The following USH2A variants were observed in gnomAD, a reference collection of about 807,000 sequenced individuals.
The protein encoded by USH2A is Usher syndrome 2A (autosomal recessive, mild).
Under a neutral mutation model 538.9 loss-of-function variants are expected in USH2A, and 443 were observed. The observed-to-expected ratio is 0.82, with a 90% CI of 0.76 to 0.89. The LOEUF is 0.89. Among genes scored for constraint, USH2A ranks in the 40% least tolerant of loss-of-function variants. The pLI is 0.00. For missense variants in USH2A, 6,633 were observed against 6,324.8 expected, an observed-to-expected ratio of 1.05 and a Z score of -1.65; for synonymous variants, 2,413 against 2,273.5, an observed-to-expected ratio of 1.06 and a Z score of -1.75.
chr1:215,709,558 A>G (rs1659277143), intron 61 of USH2A, among the ~76,000 whole-genome samples: 1 of 151,852 alleles, frequency 6.6e-6, no homozygotes, highest in Non-Finnish European at 1.5e-5. Context: ...CTAAAATAAG[A>G]GCACAAGTAA....
intron 44 of USH2A, among the ~76,000 whole-genome samples, chr1:215,859,672 A>G (rs1321854293): frequency 1.3e-5 from 2 of 152,226 alleles, no homozygotes; most frequent in Middle Eastern, 3.4e-3. Flanking sequence ...CCTGGAACCA[A>G]TCGCCTGCAT....
At chr1:215,748,673 G>T (rs780847445) in intron 58 of USH2A, among the ~76,000 whole-genome samples, 7 of 152,166 alleles carry the variant, frequency 4.6e-5, no homozygotes, top group Non-Finnish European at 7.3e-5. Context: ...CCACAGAGTG[G>T]TGTCAGATAG....
Position 215,780,005 on chromosome 1 carries a change from T to C in USH2A, c.10777A>G (p.Ile3593Val), listed in dbSNP as rs746312367. 3 of 1,614,000 alleles carry C rather than the reference T, an allele frequency of 1.9e-6. No individual in the cohort carries two copies. Among genetic ancestry groups the C allele is most frequent in the African/African-American group, 2.7e-5 (2 of 74,926 alleles). The change falls in exon 55 of 72, where the codon ATC becomes GTC. Residue 3593 changes from isoleucine to valine, a missense_variant. Ile to Val is a conservative substitution (Grantham distance 29). Transcript: ENST00000307340. ...AGGGCTGTGATGCTTGGTGGCAGGA[T>C]GCTCTCCGGAACTCCTTGGGTAGTA... is the stretch of plus-strand genomic sequence containing the variant. ...AATTQGVPES[I>V]LPPSITALSA... is the part of the protein sequence containing the mutation.
chr1:216,266,215 A>G (rs1195696645), intron 11 of USH2A, among the ~76,000 whole-genome samples: 1 of 150,272 alleles, frequency 6.7e-6, no homozygotes, highest in African/African-American at 2.5e-5. Flanking sequence ...AAAATATTAA[A>G]AAGTTAAAAA....
Position 215,813,900 on chromosome 1 carries a change from C to T in USH2A, c.9575G>A (p.Cys3192Tyr), listed in dbSNP as rs1218463188. The change falls in exon 49 of 72, where the codon TGT (cysteine) becomes TAT (tyrosine). Residue 3192 changes from cysteine to tyrosine, a missense_variant. Transcript: ENST00000307340. ...GGGGTTATAGAGCACTCCGTTACAA[C>T]AAACCTGAAAGTTTGAAAACAGTTT... is the stretch of plus-strand genomic sequence containing the variant. ...HICYSSEAKV[C>Y]CNGVLYNPKP... is the part of the protein sequence containing the mutation. 1.9e-6 allele frequency: 3 copies of T among 1,613,554 alleles called. No homozygotes were observed. The highest frequency in any genetic ancestry group is 1.3e-5 in the African/African-American group (1 of 74,878).
chr1:216,116,253 C>A (rs955328986), intron 21 of USH2A, among the ~76,000 whole-genome samples: 1 of 151,816 alleles, frequency 6.6e-6, no homozygotes, highest in Non-Finnish European at 1.5e-5. Context: ...AATAAACATA[C>A]AGATACTTCA....
intron 71 of USH2A, 135 bp from the exon 72 acceptor site, chr1:215,626,005 T>C: frequency 1.2e-6 from 1 of 829,166 alleles, no homozygotes; most frequent in Non-Finnish European, 2.0e-6. Flanking sequence ...CATGGTGGGG[T>C]CTAAAACAGA....
At chr1:215,631,835 G>A (rs550473104) in intron 70 of USH2A, among the ~76,000 whole-genome samples, 2 of 152,190 alleles carry the variant, frequency 1.3e-5, no homozygotes, top group African/African-American at 2.4e-5. Flanking sequence ...CAGGAACAGG[G>A]TGTTTACATT....
intron 43 of USH2A, among the ~76,000 whole-genome samples, chr1:215,873,935 CTA>C (rs1351492208): frequency 3.9e-5 from 6 of 152,188 alleles, no homozygotes; most frequent in South Asian, 2.1e-4. Context: ...AATATTTTCT[CTA>C]TAATAGTAAA....
chr1:216,089,055 G>A lies in USH2A; in HGVS notation c.4843C>T (p.His1615Tyr), dbSNP rs2032220255. The change falls in exon 23 of 72, where the codon CAT (histidine) becomes TAT (tyrosine). Residue 1615 changes from histidine to tyrosine, a missense_variant. Coordinates refer to ENST00000307340, the MANE Select transcript of USH2A (RefSeq NM_206933.4). ...AGAGTGATTTGGCCAAAAGCCTGAT[G>A]CCTAATAGCAATTATTTCATGCCAT... ...GKWHEIIAIR[H>Y]QAFGQITLDG... 1.2e-6 allele frequency: 2 copies of A among 1,613,316 alleles called. No individual in the cohort carries two copies. Among genetic ancestry groups the A allele is most frequent in the Non-Finnish European group, 1.7e-6 (2 of 1,179,600 alleles).
chr1:215,625,707 G>A lies in USH2A; in HGVS notation c.*74C>T, dbSNP rs575149764. On this transcript the variant is annotated 3_prime_UTR_variant, in exon 72 of 72. Transcript: ENST00000307340. The stretch of plus-strand genomic sequence containing the variant: ...ACAATGGCTTTTCAGCATTTATGAT[G>A]TGTGAGTGATAACCCAGGAGGAAAT... 77 of 1,321,792 alleles carry A rather than the reference G, an allele frequency of 5.8e-5. No homozygotes were observed. The highest frequency in any genetic ancestry group is 5.4e-4 in the Middle Eastern group (3 of 5,508). The allele number at this position is 1,321,792 out of a possible 1,614,324, so 81.9% of individuals were successfully genotyped here. A position where few individuals can be genotyped will look rare whatever the true frequency, so the allele number is the denominator to read the frequency against.
chr1:216,402,541 G>C (rs971705495), intron 3 of USH2A, among the ~76,000 whole-genome samples: 2 of 151,986 alleles, frequency 1.3e-5, no homozygotes, highest in Non-Finnish European at 2.9e-5. Context: ...TAATGAGCAT[G>C]AAGACTTATA....
At chr1:215,627,467 T>A (rs1288243872) in intron 71 of USH2A, among the ~76,000 whole-genome samples, 1 of 147,674 alleles carries the variant, frequency 6.8e-6, no homozygotes, top group African/African-American at 2.5e-5. Flanking sequence ...CTTCCTTCCT[T>A]CCTTCCTTCC....
At chr1:215,921,406 T>A (rs573295838) in intron 38 of USH2A, among the ~76,000 whole-genome samples, 2 of 152,054 alleles carry the variant, frequency 1.3e-5, no homozygotes, top group Non-Finnish European at 2.9e-5. Flanking sequence ...TTTTCTCTTA[T>A]GACATTATAA....
intron 9 of USH2A, among the ~76,000 whole-genome samples, chr1:216,308,815 A>G (rs1043255354): frequency 6.6e-6 from 1 of 152,160 alleles, no homozygotes; most frequent in Admixed American, 6.5e-5. Flanking sequence ...ATGAAACAGT[A>G]ATGTCTGTTT....
chr1:215,869,863 C>T (rs1664576784), intron 43 of USH2A, among the ~76,000 whole-genome samples: 1 of 152,100 alleles, frequency 6.6e-6, no homozygotes, highest in Non-Finnish European at 1.5e-5. Flanking sequence ...TTTTATAATA[C>T]TTTAAGAGAT....
intron 8 of USH2A, among the ~76,000 whole-genome samples, chr1:216,322,953 G>A (rs2037646488): frequency 6.6e-6 from 1 of 151,684 alleles, no homozygotes; most frequent in South Asian, 2.1e-4. Flanking sequence ...ATTATGATCA[G>A]ACATTTATAA....
intron 56 of USH2A, among the ~76,000 whole-genome samples, chr1:215,760,280 T>C (rs1334126335): frequency 6.6e-6 from 1 of 152,186 alleles, no homozygotes; most frequent in Non-Finnish European, 1.5e-5. Flanking sequence ...CCTCTCTGGC[T>C]ATGCCTCTGG....
intron 40 of USH2A, among the ~76,000 whole-genome samples, chr1:215,891,179 T>A (rs1024771101): frequency 1.3e-5 from 2 of 152,202 alleles, no homozygotes; most frequent in Admixed American, 6.5e-5. Flanking sequence ...CACAGCCTTT[T>A]CTTAAAGATG....
Sources: gnomAD v4.1 joint callset for allele counts (sites outside exome capture counted in the v4.1 genomes callset) on GRCh38, gnomAD v4.1.1 for gene constraint, MANE v1.5 for transcripts, NCBI Gene and HGNC (gene_info 2026-07-23, HGNC 2026-07-21) for gene names.